Variants in NKPD1 observed in about 807,000 individuals in gnomAD.
The protein encoded by NKPD1 is NTPase KAP family P-loop domain-containing protein 1.
Under a neutral mutation model 42.2 loss-of-function variants are expected in NKPD1, and 37 were observed. The observed-to-expected ratio is 0.88, with a 90% confidence interval of 0.67 to 1.15. The LOEUF (loss-of-function observed/expected upper bound fraction) is 1.15. NKPD1 is among the 50% of genes most tolerant of loss of function. The probability of loss-of-function intolerance (pLI) is 0.00; values close to 1 mark genes in which losing one functional copy is unlikely to be tolerated. For synonymous variants in NKPD1, 552 were observed against 536.5 expected, an observed-to-expected ratio of 1.03 and a Z score of -0.40; for missense variants, 1,113 against 1,174.6, an observed-to-expected ratio of 0.95 and a Z score of 0.77.
chr19:45,160,100 GT>G lies in NKPD1; in HGVS notation c.50del (p.Asn17ThrfsTer135). 1 of 1,304,920 alleles carries G rather than the reference GT, an allele frequency of 7.7e-7. No individual in the cohort carries two copies. Among genetic ancestry groups the G allele is most frequent in the Non-Finnish European group, 1.0e-6 (1 of 988,684 alleles). The allele number at this position is 1,304,920 out of a possible 1,614,324, so 80.8% of individuals were successfully genotyped here. A position where few individuals can be genotyped will look rare whatever the true frequency, so the allele number is the denominator to read the frequency against. ...ACTCTGGGTCCCAGAAGTAGTGCCCGTTGGGGCTCTGGGCATCCTTGGCGAA... is the reference window on the plus strand; with the variant it reads ...ACTCTGGGTCCCAGAAGTAGTGCCCGTGGGGCTCTGGGCATCCTTGGCGAA... Reference protein sequence around the residue: ...VHFAKDAQSPNGHYFWDPELG... With the variant: ...VHFAKDAQSPXGHYFWDPELG... On this transcript the variant is annotated frameshift_variant, in exon 2 of 5. Coordinates refer to ENST00000686631, the MANE Select transcript of NKPD1 (RefSeq NM_198478.4). LOFTEE classifies it high-confidence loss of function.
In NKPD1 at chr19:45,152,540, C is replaced by G; in HGVS notation, c.1897G>C (p.Val633Leu). 6.3e-7 allele frequency: 1 copy of G among 1,580,872 alleles called. No individual in the cohort carries two copies. Among genetic ancestry groups the G allele is most frequent in the Non-Finnish European group, 8.5e-7 (1 of 1,172,270 alleles). The change falls in exon 5 of 5, where the codon GTG becomes CTG. Residue 633 changes from valine (V) to leucine (L), a missense_variant. By Grantham distance (32) the Val-to-Leu change is conservative. This residue lies in a region of NKPD1 where 867 missense variants were observed against 870.1 expected (regional missense o/e 1.00). Coordinates refer to ENST00000686631, the MANE Select transcript of NKPD1 (RefSeq NM_198478.4). Reference sequence around the variant, plus strand: ...TGCTGCTGCTGCTGCAGCAGGCGCACGGTGATGGGCACGGTGTTGACGATG... The same window carrying G: ...TGCTGCTGCTGCTGCAGCAGGCGCAGGGTGATGGGCACGGTGTTGACGATG... ...RRIVNTVPIT[V>L]RLLQQQQQQG...
Position 45,152,982 on chromosome 19 carries a change from C to T in NKPD1, c.1455G>A (p.Ala485=), listed in dbSNP as rs768183003. Residue 485 remains alanine, a synonymous_variant, in exon 5 of 5, where the codon GCG becomes GCA. Coordinates refer to ENST00000686631, the MANE Select transcript of NKPD1 (RefSeq NM_198478.4). Reference sequence around the variant, plus strand: ...CCACGACCAGGATGAAGATGAAGGGCGCGTGGCTGTCGGACAGCAGCGTGT... The same window carrying T: ...CCACGACCAGGATGAAGATGAAGGGTGCGTGGCTGTCGGACAGCAGCGTGT... ...AINTLLSDSH[A]PFIFILVVDP... 7 of 1,584,978 alleles carry T rather than the reference C, an allele frequency of 4.4e-6. No individual in the cohort carries two copies. Among genetic ancestry groups the T allele is most frequent in the African/African-American group, 1.3e-5 (1 of 74,352 alleles).
chr19:45,152,242 G>A lies in NKPD1; in HGVS notation c.2195C>T (p.Thr732Ile), dbSNP rs572488306. 30 of 1,607,590 alleles carry A rather than the reference G, an allele frequency of 1.9e-5. 1 individual carries two copies. The African/African-American group carries it at 2.9e-4, about 16-fold the overall frequency. Residue 732 changes from threonine to isoleucine, a missense_variant, in exon 5 of 5, where the codon ACC (threonine) becomes ATC (isoleucine). Physicochemically the swap from Thr to Ile is moderately conservative, Grantham distance 89 (BLOSUM62 -1). This residue lies in a region of NKPD1 where 867 missense variants were observed against 870.1 expected (regional missense o/e 1.00). Coordinates refer to ENST00000686631, the MANE Select transcript of NKPD1 (RefSeq NM_198478.4). ...ERFLGADFPF[T>I]VAEAQSLLRC... ...CAGCAGGCTCTGCGCCTCGGCCACG[G>A]TGAAGGGGAAGTCGGCGCCCAGGAA...
rs1599717783 is a variant in NKPD1, at chr19:45,151,179, G to A, written c.*759C>T. 1 of 152,534 alleles carries A rather than the reference G, an allele frequency of 6.6e-6. No homozygotes were observed. The highest frequency in any genetic ancestry group is 1.9e-4 in the East Asian group (1 of 5,200). The allele number at this position is 152,534 out of a possible 1,614,324, so 9.4% of individuals were successfully genotyped here. On this transcript the variant is annotated 3_prime_UTR_variant, in exon 5 of 5. Transcript: ENST00000686631. ...CCCAACTTCCCTGTCCTCATCAGGG[G>A]GCTGATGCAGTGGCTTCAGTGTCAG...
chr19:45,160,289 A>G, intron 1 of NKPD1, 68 bp from the exon 2 acceptor site: 1 of 385,790 alleles, frequency 2.6e-6, no homozygotes, highest in African/African-American at 2.1e-5. Flanking sequence ...GACAGGGGAA[A>G]GGCCAAGTCC....
In NKPD1 at chr19:45,152,713, G is replaced by A. The variant is rs759222968; in HGVS notation, c.1724C>T (p.Ala575Val). 2 of 1,564,254 alleles carry A rather than the reference G, an allele frequency of 1.3e-6. No homozygotes were observed. The highest frequency in any genetic ancestry group is 1.7e-6 in the Non-Finnish European group (2 of 1,159,956). ...CTCCGTCCCCGCCTGCGCCTGCACCGCCAGCAGCTGCGCGCTCTCGCCCCC... is the reference window on the plus strand; with the variant it reads ...CTCCGTCCCCGCCTGCGCCTGCACCACCAGCAGCTGCGCGCTCTCGCCCCC... ...DAGGESAQLL[A>V]VQAQAGTERG... is the part of the protein sequence containing the mutation. The change falls in exon 5 of 5, where the codon GCG becomes GTG. Residue 575 changes from alanine to valine, a missense_variant. Ala to Val is a moderately conservative substitution (Grantham distance 64, BLOSUM62 0). Around this residue, in one of 3 missense-constraint regions of NKPD1, gnomAD observed 867 missense variants for 870.1 expected, o/e 1.00. Coordinates refer to ENST00000686631, the MANE Select transcript of NKPD1 (RefSeq NM_198478.4).
chr19:45,160,904 C>A (rs966909125), intron 1 of NKPD1, among the ~76,000 whole-genome samples, 21 bp downstream of exon 1: 6 of 152,078 alleles, frequency 3.9e-5, no homozygotes, highest in Admixed American at 3.9e-4. Context: ...TCCCCACCCC[C>A]AGTCCCAGTC....
intron 3 of NKPD1, among the ~76,000 whole-genome samples, chr19:45,157,228 C>A (rs533185521): frequency 6.6e-6 from 1 of 152,388 alleles, no homozygotes; most frequent in African/African-American, 2.4e-5. Flanking sequence ...CCATCCTCGG[C>A]TCCTGCCTCC....
At chr19:45,157,781 G>A (rs1482627731) in intron 3 of NKPD1, among the ~76,000 whole-genome samples, 9 of 142,330 alleles carry the variant, frequency 6.3e-5, no homozygotes, top group Admixed American at 6.0e-4. Context: ...CTGGAGTGCA[G>A]TGGTGTCATC....
chr19:45,151,959 T>C lies in NKPD1; in HGVS notation c.2478A>G (p.Gln826=), dbSNP rs750751016. 1.8e-5 allele frequency: 28 copies of C among 1,577,122 alleles called. 1 individual carries two copies. The highest frequency in any genetic ancestry group is 3.4e-4 in the Middle Eastern group (2 of 5,958). ...PVACALFRPG[Q]SSPGGP ...CCATTTAAGGCCCACCTGGGCTGGA[T>C]TGCCCTGGACGGAAGAGCGCACAGG... Residue 826 remains glutamine, a synonymous_variant, in exon 5 of 5, where the codon CAA becomes CAG. Coordinates refer to ENST00000686631, the MANE Select transcript of NKPD1 (RefSeq NM_198478.4).
Position 45,158,075 on chromosome 19 carries a change from A to G in NKPD1, c.529+588T>C, listed in dbSNP as rs148225299. On this transcript the variant is annotated intron_variant, in intron 3 of 4. Transcript: ENST00000686631. The surrounding 1 kb of genome is among the most constrained non-coding windows in gnomAD (Gnocchi z 4.6). Reference sequence around the variant, plus strand: ...TTTCCTGTACCTGCCCCCGGCTGCAATGCAATGTGAGCCCCATGAAGACAA... The same window carrying G: ...TTTCCTGTACCTGCCCCCGGCTGCAGTGCAATGTGAGCCCCATGAAGACAA... 2.0e-5 allele frequency among the ~76,000 whole-genome samples: 3 copies of G among 152,240 alleles called. No homozygotes were observed. The highest frequency in any genetic ancestry group is 2.9e-5 in the Non-Finnish European group (2 of 68,016).
upstream of NKPD1, among the ~76,000 whole-genome samples, chr19:45,162,122 G>A (rs944709120): frequency 2.6e-5 from 4 of 152,162 alleles, no homozygotes; most frequent in African/African-American, 4.8e-5. Flanking sequence ...CCCCCGGCCC[G>A]ATCATGAAGC....
intron 1 of NKPD1, among the ~76,000 whole-genome samples, chr19:45,160,519 G>A (rs1968985609): frequency 6.6e-6 from 1 of 152,022 alleles, no homozygotes; most frequent in Non-Finnish European, 1.5e-5. Context: ...GGAAATAGGG[G>A]GTCCGGTGTG....
chr19:45,157,111 G>C (rs1968917509), intron 3 of NKPD1, among the ~76,000 whole-genome samples: 1 of 152,264 alleles, frequency 6.6e-6, no homozygotes. Flanking sequence ...ACCCCGGCAA[G>C]GCTGCCGCAC....
chr19:45,150,068 A>G lies in NKPD1; in HGVS notation c.*1870T>C, dbSNP rs1968751981. On this transcript the variant is annotated 3_prime_UTR_variant, in exon 5 of 5. Coordinates refer to ENST00000686631, the MANE Select transcript of NKPD1 (RefSeq NM_198478.4). ...AGATACAGTGACCAACAGTTTGGCC[A>G]CAGCTTGTACCACGTAACAGAGGCT... The G allele has an allele frequency of 6.6e-6, 1 of 151,914 alleles. No homozygotes were observed. Among genetic ancestry groups the G allele is most frequent in the Non-Finnish European group, 1.5e-5 (1 of 68,000 alleles). 9.4% of individuals were successfully genotyped at this position (151,914 alleles called of 1,614,324 possible).
At chr19:45,154,849 A>AC (rs1293071408) in intron 4 of NKPD1, among the ~76,000 whole-genome samples, 1 of 151,982 alleles carries the variant, frequency 6.6e-6, no homozygotes, top group African/African-American at 2.4e-5. Flanking sequence ...ACACGGTGAA[A>AC]CCCCATCGCT....
Position 45,152,496 on chromosome 19 carries a change from G to A in NKPD1, c.1941C>T (p.Gly647=), listed in dbSNP as rs755407903. ...ACGCCACCGCCTGGCGCGGCGTGGG[G>A]CCCCCAAAGTCCCCCTGCTGCTGCT... ...QQQQQQGDFG[G]PTPRQAVAWV... Residue 647 remains glycine, a synonymous_variant, in exon 5 of 5, where the codon GGC becomes GGT. Transcript: ENST00000686631. 2.6e-6 allele frequency: 4 copies of A among 1,559,488 alleles called. No individual in the cohort carries two copies. Among genetic ancestry groups the A allele is most frequent in the Non-Finnish European group, 3.4e-6 (4 of 1,161,568 alleles).
Position 45,153,726 on chromosome 19 carries a change from G to T in NKPD1, c.711C>A (p.His237Gln). Residue 237 changes from histidine (H) to glutamine (Q), a missense_variant, in exon 5 of 5, where the codon CAC (histidine) becomes CAA (glutamine). Transcript: ENST00000686631. ...AAQRESEELQ[H>Q]VQWRPRAVSG... ...TCACGGCACGCGGCCGCCACTGCAC[G>T]TGCTGCAGCTCCTCGCTCTCGCGCT... The T allele has an allele frequency of 6.6e-7, 1 of 1,523,596 alleles. No homozygotes were observed. Among genetic ancestry groups the T allele is most frequent in the Non-Finnish European group, 8.9e-7 (1 of 1,128,734 alleles). 94.4% of individuals were successfully genotyped at this position (1,523,596 alleles called of 1,614,324 possible).
At chr19:45,153,936 G>A (rs1258516126) in intron 4 of NKPD1, 161 bp from the exon 5 acceptor site, 20 of 695,558 alleles carry the variant, frequency 2.9e-5, no homozygotes, top group Non-Finnish European at 2.7e-5. Flanking sequence ...GCTGGAAGCC[G>A]GTGCAGAAGC....
Sources: allele counts gnomAD v4.1 joint callset (sites outside exome capture counted in the v4.1 genomes callset), GRCh38; gene constraint gnomAD v4.1.1; regional missense constraint gnomAD v4.1.1; non-coding constraint Gnocchi (gnomAD v3.1); transcripts MANE v1.5; gene names NCBI Gene and HGNC (gene_info 2026-07-23, HGNC 2026-07-21).